The following BAALC variants were observed in gnomAD, a reference collection of about 807,000 sequenced individuals.
BAALC encodes BAALC binder of MAP3K1 and KLF4.
BAALC carries 9 observed loss-of-function variants against 15.5 expected under a neutral mutation model. The ratio of observed to expected loss-of-function variants is 0.58; its 90% CI spans 0.35 to 1.02. BAALC has a LOEUF of 1.02. Among genes scored for constraint, BAALC ranks in the 50% least tolerant of loss-of-function variants. BAALC has a pLI of 0.02. For synonymous variants in BAALC, 80 were observed against 74.6 expected (o/e 1.07, Z -0.37); for missense variants, 201 against 192.4 (o/e 1.04, Z -0.27).
At chr8:103,166,130 C>T (rs1250385727) in intron 1 of BAALC, 1 of 152,610 alleles carries the variant, frequency 6.6e-6, no homozygotes, top group African/African-American at 2.4e-5. Flanking sequence ...AGGACATGTC[C>T]TTGGGAGAGG....
rs1168889085 is a variant in BAALC at position 103,229,529 on chromosome 8, T to A, written c.*1430T>A. 3.3e-5 allele frequency: 5 copies of A among 152,202 alleles called. No homozygotes were observed. Among genetic ancestry groups the A allele is most frequent in the Non-Finnish European group, 7.3e-5 (5 of 68,034 alleles). 9.4% of individuals were successfully genotyped at this position (152,202 alleles called of 1,614,324 possible). A position where few individuals can be genotyped will look rare whatever the true frequency, so the allele number is the denominator to read the frequency against. ...GATTGTATATTTATTCACAAAACAT[T>A]AAATGTCCATCCTGTGCCAGGTACT... On this transcript the variant is annotated 3_prime_UTR_variant, in exon 3 of 3. Transcript: ENST00000309982.
chr8:103,147,692 C>T (rs766715782), intron 1 of BAALC, among the ~76,000 whole-genome samples: 3 of 152,174 alleles, frequency 2.0e-5, no homozygotes, highest in South Asian at 2.1e-4. Context: ...AACCTGTTCT[C>T]GGACAATGGT....
intron 1 of BAALC, among the ~76,000 whole-genome samples, chr8:103,169,093 G>GTTA (rs150419159): frequency 1.7e-4 from 26 of 151,770 alleles, no homozygotes; most frequent in South Asian, 1.7e-3. Flanking sequence ...ATTTTCTCAA[G>GTTA]TTATTATTAT....
chr8:103,208,682 C>T (rs189255659), intron 1 of BAALC, among the ~76,000 whole-genome samples: 12 of 152,284 alleles, frequency 7.9e-5, no homozygotes, highest in East Asian at 1.9e-4. Flanking sequence ...GACAATGGAG[C>T]GTGTCCCCGG....
intron 1 of BAALC, among the ~76,000 whole-genome samples, chr8:103,161,959 T>TTTTTTG (rs1811235473): frequency 6.6e-6 from 1 of 151,188 alleles, no homozygotes; most frequent in Non-Finnish European, 1.5e-5. Flanking sequence ...TCTTTGTTTG[T>TTTTTTG]TTTTTGTTTT....
chr8:103,217,025 C>A (rs1447609710), intron 2 of BAALC, among the ~76,000 whole-genome samples: 1 of 152,190 alleles, frequency 6.6e-6, no homozygotes, highest in South Asian at 2.1e-4. Context: ...CCCCGTAGGG[C>A]TTCAGCAGCA....
intron 1 of BAALC, among the ~76,000 whole-genome samples, chr8:103,162,876 T>C (rs536645853): frequency 6.6e-6 from 1 of 152,270 alleles, no homozygotes; most frequent in South Asian, 2.1e-4. Flanking sequence ...AACTGTAGCA[T>C]AGCAAACCTT....
intron 1 of BAALC, among the ~76,000 whole-genome samples, chr8:103,181,123 A>C (rs922153053): frequency 1.3e-5 from 2 of 152,072 alleles, no homozygotes; most frequent in South Asian, 4.1e-4. Context: ...GGAACCGACT[A>C]TCCCACAACG....
chr8:103,178,642 A>G (rs559480489), intron 1 of BAALC, among the ~76,000 whole-genome samples: 144 of 152,272 alleles, frequency 9.5e-4, no homozygotes, highest in Non-Finnish European at 1.9e-3. Context: ...GCGGATCACA[A>G]GGTCAGAAGT....
intron 1 of BAALC, among the ~76,000 whole-genome samples, chr8:103,141,659 C>A (rs561310352): frequency 6.6e-6 from 1 of 152,392 alleles, no homozygotes; most frequent in South Asian, 2.1e-4. Flanking sequence ...CGCCCCATCG[C>A]TAGTTCTGCA....
At chr8:103,181,780 C>T (rs1470694266) in intron 1 of BAALC, among the ~76,000 whole-genome samples, 1 of 152,114 alleles carries the variant, frequency 6.6e-6, no homozygotes, top group Non-Finnish European at 1.5e-5. Context: ...TTCTATGGGC[C>T]AAACATGCTG....
rs118057733 is a variant in BAALC at position 103,162,220 on chromosome 8, C to T, written c.160+21163C>T. 3.9e-5 allele frequency among the ~76,000 whole-genome samples: 6 copies of T among 152,086 alleles called. No individual in the cohort carries two copies. In the East Asian group the frequency reaches 7.7e-4, roughly 20 times the overall value. ...GAAGCAATTCTCCCACCTTGGCCTC[C>T]GGAAGTGTTGGGATTACAGGAATGA... On this transcript the variant is annotated intron_variant, in intron 1 of 2. Transcript: ENST00000309982.
intron 1 of BAALC, among the ~76,000 whole-genome samples, chr8:103,192,965 C>A (rs983516841): frequency 1.4e-4 from 21 of 152,196 alleles, no homozygotes; most frequent in Non-Finnish European, 1.5e-5. Flanking sequence ...CCCCTCTGCA[C>A]CCCCAGCCCT....
At chr8:103,182,859 G>A (rs1229914536) in intron 1 of BAALC, among the ~76,000 whole-genome samples, 4 of 152,152 alleles carry the variant, frequency 2.6e-5, no homozygotes, top group African/African-American at 9.7e-5. Flanking sequence ...GAGGCTCCAG[G>A]GTGAGCTAAC....
chr8:103,148,583 T>C (rs1185448878), intron 1 of BAALC, among the ~76,000 whole-genome samples: 4 of 152,254 alleles, frequency 2.6e-5, no homozygotes, highest in Non-Finnish European at 5.9e-5. Flanking sequence ...TTATTGACTA[T>C]AGTCACCTTA....
intron 2 of BAALC, among the ~76,000 whole-genome samples, chr8:103,227,207 A>C (rs1407666302): frequency 6.6e-6 from 1 of 152,236 alleles, no homozygotes; most frequent in East Asian, 1.9e-4. Context: ...ATTTGTGATA[A>C]TCTCAAGAGA....
At chr8:103,203,174 C>G (rs1401146167) in intron 1 of BAALC, among the ~76,000 whole-genome samples, 3 of 152,216 alleles carry the variant, frequency 2.0e-5, no homozygotes, top group African/African-American at 7.2e-5. Flanking sequence ...ATTTCCCCTA[C>G]CAAACCCTAT....
chr8:103,166,884 G>A (rs964878337), intron 1 of BAALC, among the ~76,000 whole-genome samples: 1 of 152,124 alleles, frequency 6.6e-6, no homozygotes, highest in African/African-American at 2.4e-5. Context: ...ACAGTCAAAG[G>A]ATACTTTAAG....
At chr8:103,154,779 T>G (rs1811054662) in intron 1 of BAALC, 1 of 154,520 alleles carries the variant, frequency 6.5e-6, no homozygotes, top group South Asian at 2.0e-4. Flanking sequence ...TTGAGTTTTC[T>G]TATTTATGAT....
Sources: allele counts gnomAD v4.1 joint callset (sites outside exome capture counted in the v4.1 genomes callset), GRCh38; gene constraint gnomAD v4.1.1; transcripts MANE v1.5; gene names NCBI Gene and HGNC (gene_info 2026-07-23, HGNC 2026-07-21).